The following CFAP20DC variants were observed in gnomAD, a reference collection of about 807,000 sequenced individuals.
The protein encoded by CFAP20DC is protein CFAP20DC.
Under a neutral mutation model 101.7 loss-of-function variants are expected in CFAP20DC, and 84 were observed. The observed-to-expected ratio is 0.83, with a 90% CI of 0.69 to 0.99. The LOEUF is 0.99. CFAP20DC is among the 50% of genes least tolerant of loss of function. The pLI is 0.00. For synonymous variants in CFAP20DC, 359 were observed against 351.2 expected (o/e 1.02, Z -0.25); for missense variants, 1,007 against 970.3 (o/e 1.04, Z -0.50).
chr3:58,835,686 C>G (rs961101003), intron 13 of CFAP20DC, among the ~76,000 whole-genome samples: 1 of 152,178 alleles, frequency 6.6e-6, no homozygotes, highest in African/African-American at 2.4e-5. Flanking sequence ...TCCAGCATCA[C>G]TAATAGAGCA....
intron 14 of CFAP20DC, among the ~76,000 whole-genome samples, chr3:58,809,167 C>T (rs1210443151): frequency 1.3e-5 from 2 of 151,862 alleles, no homozygotes; most frequent in Admixed American, 6.6e-5. Context: ...AACAAGGATA[C>T]CCAGGAATTG....
intron 4 of CFAP20DC, among the ~76,000 whole-genome samples, chr3:58,956,598 T>C (rs1002218420): frequency 6.6e-6 from 1 of 152,128 alleles, no homozygotes; most frequent in Admixed American, 6.5e-5. Context: ...GCACAGAACA[T>C]GGAAGAACTT....
Position 58,863,768 on chromosome 3 carries a change from A to T in CFAP20DC, c.1383T>A (p.Ser461Arg). 6 of 1,614,030 alleles carry T rather than the reference A, an allele frequency of 3.7e-6. No homozygotes were observed. The highest frequency in any genetic ancestry group is 4.2e-6 in the Non-Finnish European group (5 of 1,180,008). ...ATTCCTCTGCCTGCTGGTCGTGTTC[A>T]CTCTCTTTGCTGGCTTCCAGCCACA... is the stretch of plus-strand genomic sequence containing the variant. Reference protein sequence around the residue: ...SHLWLEASKESEHDQQAEESQ... With the variant: ...SHLWLEASKEREHDQQAEESQ... The change falls in exon 12 of 17, where the codon AGT (serine) becomes AGA (arginine). Residue 461 changes from serine (S) to arginine (R), a missense_variant. Coordinates refer to ENST00000482387, the MANE Select transcript of CFAP20DC (RefSeq NM_001394063.1). This position sits in a 1 kb window ranked among gnomAD's most constrained non-coding sequence, Gnocchi z 5.9.
At chr3:58,743,826 G>A (rs774668521) in intron 16 of CFAP20DC, among the ~76,000 whole-genome samples, 2 of 152,188 alleles carry the variant, frequency 1.3e-5, no homozygotes, top group South Asian at 4.1e-4. Context: ...AAGTCCAAGG[G>A]AGTGGTGCCT....
intron 15 of CFAP20DC, among the ~76,000 whole-genome samples, chr3:58,805,670 A>G (rs56865064): frequency 0.12 from 18,274 of 152,188 alleles, 1,980 homozygotes; most frequent in East Asian, 0.35. Context: ...TAATTTCCTA[A>G]TATATGATAA....
At chr3:58,885,177 T>C (rs1406772003) in intron 6 of CFAP20DC, among the ~76,000 whole-genome samples, 1 of 152,134 alleles carries the variant, frequency 6.6e-6, no homozygotes, top group East Asian at 1.9e-4. Context: ...ATTTTAGACT[T>C]TTAGAAAAGT....
At chr3:58,809,504 C>T (rs568296006) in intron 14 of CFAP20DC, among the ~76,000 whole-genome samples, 8 of 151,776 alleles carry the variant, frequency 5.3e-5, no homozygotes, top group South Asian at 2.1e-4. Flanking sequence ...TTGAAACCAA[C>T]GAGAACAAAG....
intron 16 of CFAP20DC, among the ~76,000 whole-genome samples, chr3:58,743,601 G>A (rs2068001860): frequency 6.6e-6 from 1 of 152,228 alleles, no homozygotes; most frequent in African/African-American, 2.4e-5. Context: ...CTTCAGAAGA[G>A]TTTGGATGGT....
chr3:58,935,374 A>T (rs2087399662), intron 5 of CFAP20DC, among the ~76,000 whole-genome samples: 1 of 152,082 alleles, frequency 6.6e-6, no homozygotes, highest in Non-Finnish European at 1.5e-5. Flanking sequence ...ATTCAATGCC[A>T]TCCCCATCAA....
At chr3:58,841,721 A>C (rs2077124337) in intron 13 of CFAP20DC, among the ~76,000 whole-genome samples, 2 of 152,220 alleles carry the variant, frequency 1.3e-5, no homozygotes, top group Non-Finnish European at 2.9e-5. Flanking sequence ...TCATTTTACA[A>C]TTCTTTTCCT....
intron 13 of CFAP20DC, 105 bp downstream of exon 13, chr3:58,848,927 C>A (rs142481871): frequency 7.5e-7 from 1 of 1,341,838 alleles, no homozygotes; most frequent in East Asian, 2.5e-5. Context: ...CAACACTCAT[C>A]ACCCAAATGA....
At chr3:58,886,972 C>A (rs1248023761) in intron 6 of CFAP20DC, among the ~76,000 whole-genome samples, 1 of 152,094 alleles carries the variant, frequency 6.6e-6, no homozygotes, top group African/African-American at 2.4e-5. Context: ...TCCTTATGTA[C>A]AATTCTCACA....
At chr3:58,836,654 T>A (rs1345758751) in intron 13 of CFAP20DC, among the ~76,000 whole-genome samples, 1 of 152,118 alleles carries the variant, frequency 6.6e-6, no homozygotes, top group East Asian at 1.9e-4. Flanking sequence ...GACTCTCTTG[T>A]CAGTATCAGG....
In CFAP20DC at chr3:58,753,717, T is replaced by G. The variant is rs555873104; in HGVS notation, c.2332+52A>C. The G allele has an allele frequency of 1.7e-5, 20 of 1,153,254 alleles. No homozygotes were observed. The South Asian group carries it at 2.6e-4, about 15-fold the overall frequency. 71.4% of individuals were successfully genotyped at this position (1,153,254 alleles called of 1,614,324 possible). On this transcript the variant is annotated intron_variant, in intron 16 of 16. Coordinates refer to ENST00000482387, the MANE Select transcript of CFAP20DC (RefSeq NM_001394063.1). ...TCTCAAAGTGATGGATTCTCTCTAT[T>G]TATAGTAAATTATTTTTATTTTCTT...
Position 58,890,204 on chromosome 3 carries a change from G to A in CFAP20DC, c.551-5495C>T, listed in dbSNP as rs1250399386. On this transcript the variant is annotated intron_variant, in intron 6 of 16. Transcript: ENST00000482387. ...GGGCTGACCCCCCCACCTCCCTCCC[G>A]GACGGGGCGGCTGGCCGGGCAGAGG... Among the ~76,000 whole-genome samples the A allele has an allele frequency of 2.4e-3, 342 of 142,448 alleles. 5 individuals carry two copies. The highest frequency in any genetic ancestry group is 8.1e-3 in the African/African-American group (309 of 38,236). 93.5% of individuals were successfully genotyped at this position (142,448 alleles called of 152,430 possible).
At chr3:58,904,152 T>C (rs1238177807) in intron 6 of CFAP20DC, among the ~76,000 whole-genome samples, 3 of 152,178 alleles carry the variant, frequency 2.0e-5, no homozygotes, top group East Asian at 1.9e-4. Flanking sequence ...CTTTAATTTC[T>C]TGCAGGAACG....
At chr3:58,814,225 T>C (rs956963241) in intron 14 of CFAP20DC, among the ~76,000 whole-genome samples, 1 of 151,878 alleles carries the variant, frequency 6.6e-6, no homozygotes, top group African/African-American at 2.4e-5. Flanking sequence ...TGCCCAAACC[T>C]CTATTCCAAA....
chr3:58,762,257 C>G (rs1423629772), intron 15 of CFAP20DC, among the ~76,000 whole-genome samples: 2 of 152,190 alleles, frequency 1.3e-5, no homozygotes, highest in Non-Finnish European at 2.9e-5. Context: ...ATAGTTAGCT[C>G]TTCTTATTGA....
intron 13 of CFAP20DC, among the ~76,000 whole-genome samples, chr3:58,844,917 G>A (rs1441375707): frequency 2.2e-5 from 3 of 139,422 alleles, no homozygotes; most frequent in African/African-American, 6.0e-5. Context: ...TGACTACTGG[G>A]TACATAACGA....
Sources: gnomAD v4.1 joint callset for allele counts (sites outside exome capture counted in the v4.1 genomes callset) on GRCh38, gnomAD v4.1.1 for gene constraint, Gnocchi (gnomAD v3.1) non-coding constraint, MANE v1.5 for transcripts, NCBI Gene and HGNC (gene_info 2026-07-23, HGNC 2026-07-21) for gene names.